Variants in RALYL observed in about 807,000 individuals in gnomAD.
RALYL encodes RALY RNA binding protein like.
In RALYL, 29 loss-of-function variants were observed where a neutral mutation model predicts 35.1. That is an observed-to-expected ratio of 0.83 (90% CI 0.61 to 1.13). RALYL has a LOEUF of 1.13. Ranked by LOEUF, RALYL falls within the 50% of genes most tolerant of loss-of-function variation. The pLI is 0.00. For synonymous variants in RALYL, 120 were observed against 127.6 expected (o/e 0.94, Z 0.40); for missense variants, 359 against 360.4 (o/e 1.00, Z 0.03).
intron 2 of RALYL, among the ~76,000 whole-genome samples, chr8:84,753,894 G>A (rs540222371): frequency 6.6e-6 from 1 of 152,130 alleles, no homozygotes; most frequent in Non-Finnish European, 1.5e-5. Flanking sequence ...GGCTAGTGAT[G>A]ATGAGCATTT....
At chr8:84,846,439 A>C (rs893240778) in intron 4 of RALYL, among the ~76,000 whole-genome samples, 12 of 152,014 alleles carry the variant, frequency 7.9e-5, no homozygotes, top group Non-Finnish European at 1.3e-4. Flanking sequence ...CTCTCACTTT[A>C]AATGTTATTG....
intron 1 of RALYL, among the ~76,000 whole-genome samples, chr8:84,235,274 A>C (rs1406202041): frequency 1.3e-5 from 2 of 152,220 alleles, no homozygotes; most frequent in East Asian, 3.8e-4. Context: ...TATTCAGATG[A>C]AGTTGAAATA....
intron 1 of RALYL, among the ~76,000 whole-genome samples, chr8:84,502,537 C>A (rs2056790708): frequency 6.6e-6 from 1 of 151,548 alleles, no homozygotes; most frequent in Non-Finnish European, 1.5e-5. Context: ...AGGAGATAAA[C>A]CTATAAAAAA....
chr8:84,450,010 A>G (rs1386047392), intron 1 of RALYL, among the ~76,000 whole-genome samples: 1 of 150,882 alleles, frequency 6.6e-6, no homozygotes, highest in Non-Finnish European at 1.5e-5. Flanking sequence ...AGGCGTTCAG[A>G]AAAAAAAATG....
chr8:84,738,939 C>A (rs1847808890), intron 2 of RALYL, among the ~76,000 whole-genome samples: 1 of 151,968 alleles, frequency 6.6e-6, no homozygotes, highest in African/African-American at 2.4e-5. Context: ...CTAAACCAAT[C>A]ATTCCATGTG....
At chr8:84,607,627 G>T (rs980622511) in intron 2 of RALYL, among the ~76,000 whole-genome samples, 3 of 151,992 alleles carry the variant, frequency 2.0e-5, no homozygotes, top group African/African-American at 7.3e-5. Context: ...AGAGTAATTC[G>T]GTCCACTTGG....
intron 1 of RALYL, among the ~76,000 whole-genome samples, chr8:84,440,388 A>G (rs2048204126): frequency 6.6e-6 from 1 of 152,106 alleles, no homozygotes; most frequent in Non-Finnish European, 1.5e-5. Context: ...TGACTTTTTA[A>G]AACTTCAGTG....
In RALYL at chr8:84,251,749, A is replaced by G. The variant is rs548645563; in HGVS notation, c.-24+67325A>G. ...ATTGACTTTTACTGTCACAGCTGAT[A>G]GGCTGTTATATTTGCTGTTTTGATT... On this transcript the variant is annotated intron_variant, in intron 1 of 8. Transcript: ENST00000521268. Among the ~76,000 whole-genome samples the G allele has an allele frequency of 2.9e-4, 44 of 152,146 alleles. No individual in the cohort carries two copies. In the South Asian group the frequency reaches 3.7e-3, roughly 13 times the overall value.
intron 2 of RALYL, among the ~76,000 whole-genome samples, chr8:84,612,256 AC>A: frequency 6.6e-6 from 1 of 152,152 alleles, no homozygotes; most frequent in East Asian, 1.9e-4. Flanking sequence ...GTTAAAAAAA[AC>A]AGCATGAAAA....
chr8:84,299,972 A>G (rs1563691810), intron 1 of RALYL, among the ~76,000 whole-genome samples: 2 of 151,538 alleles, frequency 1.3e-5, no homozygotes, highest in Non-Finnish European at 3.0e-5. Flanking sequence ...TTCAGTTCTG[A>G]TTTTGGTTTG....
chr8:84,380,670 T>C (rs1260288396), intron 1 of RALYL, among the ~76,000 whole-genome samples: 1 of 151,936 alleles, frequency 6.6e-6, no homozygotes, highest in Non-Finnish European at 1.5e-5. Flanking sequence ...AAGGAGCAGA[T>C]GCTTGTGTCT....
intron 2 of RALYL, among the ~76,000 whole-genome samples, chr8:84,601,321 CTG>C: frequency 6.6e-6 from 1 of 152,002 alleles, no homozygotes; most frequent in East Asian, 1.9e-4. Flanking sequence ...GTCTCAAAAC[CTG>C]TGTTTCCCAA....
intron 1 of RALYL, among the ~76,000 whole-genome samples, chr8:84,195,576 A>G (rs975815553): frequency 6.6e-6 from 1 of 152,230 alleles, no homozygotes; most frequent in African/African-American, 2.4e-5. Flanking sequence ...AAAAGTAAAG[A>G]TGATTGCTTG....
At chr8:84,663,046 A>G (rs1031387248) in intron 2 of RALYL, among the ~76,000 whole-genome samples, 6 of 151,994 alleles carry the variant, frequency 3.9e-5, no homozygotes, top group Non-Finnish European at 8.8e-5. Context: ...ATGTGTTTTC[A>G]TTGTACAGCT....
chr8:84,741,047 G>C (rs950706410), intron 2 of RALYL, among the ~76,000 whole-genome samples: 1 of 152,004 alleles, frequency 6.6e-6, no homozygotes, highest in Non-Finnish European at 1.5e-5. Context: ...ATATTGGAGG[G>C]CCAGAAGAAA....
intron 1 of RALYL, among the ~76,000 whole-genome samples, chr8:84,210,037 A>G (rs1819079902): frequency 6.6e-6 from 1 of 152,116 alleles, no homozygotes; most frequent in Admixed American, 6.6e-5. Flanking sequence ...ATTAAAGAGG[A>G]CTAGTGACAG....
At chr8:84,578,410 T>G (rs1216273114) in intron 2 of RALYL, among the ~76,000 whole-genome samples, 1 of 152,162 alleles carries the variant, frequency 6.6e-6, no homozygotes, top group Non-Finnish European at 1.5e-5. Flanking sequence ...CTTCTTTCCT[T>G]CTAGTTGCCT....
chr8:84,249,290 G>T (rs1316217782), intron 1 of RALYL, among the ~76,000 whole-genome samples: 1 of 151,952 alleles, frequency 6.6e-6, no homozygotes, highest in Non-Finnish European at 1.5e-5. Context: ...ACTGTATTTA[G>T]CCAGGCACAG....
At chr8:84,434,830 T>A (rs545206767) in intron 1 of RALYL, among the ~76,000 whole-genome samples, 5 of 152,098 alleles carry the variant, frequency 3.3e-5, no homozygotes, top group Non-Finnish European at 7.4e-5. Context: ...ATATATACAT[T>A]TGTAGAGACA....
Sources: gnomAD v4.1 joint callset for allele counts (sites outside exome capture counted in the v4.1 genomes callset) on GRCh38, gnomAD v4.1.1 for gene constraint, MANE v1.5 for transcripts, NCBI Gene and HGNC (gene_info 2026-07-23, HGNC 2026-07-21) for gene names.